The following CATSPERE variants were observed in gnomAD, a reference collection of about 807,000 sequenced individuals.
CATSPERE encodes the protein catsper channel auxiliary subunit epsilon.
Under a neutral mutation model 114.1 loss-of-function variants are expected in CATSPERE, and 93 were observed. The observed-to-expected ratio is 0.81, with a 90% CI of 0.69 to 0.97. The LOEUF is 0.97. Ranked by LOEUF, CATSPERE falls within the 50% of genes least tolerant of loss-of-function variation. The pLI is 0.00. For missense variants in CATSPERE, 1,058 were observed against 1,131.6 expected (o/e 0.93, Z 0.93); for synonymous variants, 341 against 384.1 (o/e 0.89, Z 1.31).
At chr1:244,465,325 C>T (rs560294021) in intron 2 of CATSPERE, among the ~76,000 whole-genome samples, 5 of 152,250 alleles carry the variant, frequency 3.3e-5, no homozygotes, top group East Asian at 3.9e-4. Context: ...TGAGCCACCG[C>T]GCCTGTCCAG....
chr1:244,471,196 C>T (rs981804991), intron 2 of CATSPERE, among the ~76,000 whole-genome samples: 5 of 152,042 alleles, frequency 3.3e-5, no homozygotes, highest in East Asian at 3.8e-4. Context: ...AAACCATAAC[C>T]GTAATACTAA....
chr1:244,505,377 G>C (rs1469768814), intron 7 of CATSPERE, among the ~76,000 whole-genome samples: 1 of 152,058 alleles, frequency 6.6e-6, no homozygotes, highest in Non-Finnish European at 1.5e-5. Context: ...TTGATGTTTG[G>C]TTGTTTTCCT....
intron 8 of CATSPERE, among the ~76,000 whole-genome samples, chr1:244,544,912 A>G (rs1284818259): frequency 6.6e-6 from 1 of 152,226 alleles, no homozygotes; most frequent in East Asian, 1.9e-4. Context: ...GAGGCCCAAC[A>G]GAAACAGTTT....
chr1:244,463,045 G>T (rs959196256), intron 1 of CATSPERE, among the ~76,000 whole-genome samples: 1 of 152,092 alleles, frequency 6.6e-6, no homozygotes, highest in African/African-American at 2.4e-5. Context: ...GAGATGTGGT[G>T]TAAGTGTAAT....
chr1:244,482,336 T>A (rs1487291813), intron 5 of CATSPERE, among the ~76,000 whole-genome samples: 1 of 152,034 alleles, frequency 6.6e-6, no homozygotes. Flanking sequence ...GCATAGTGAC[T>A]TGCATCTGTA....
intron 8 of CATSPERE, among the ~76,000 whole-genome samples, chr1:244,526,982 A>G (rs926907199): frequency 6.6e-6 from 1 of 152,182 alleles, no homozygotes; most frequent in Non-Finnish European, 1.5e-5. Flanking sequence ...TGGGTCACAA[A>G]GATCACATGC....
intron 5 of CATSPERE, among the ~76,000 whole-genome samples, chr1:244,484,975 C>T (rs572347466): frequency 4.6e-5 from 7 of 151,860 alleles, no homozygotes; most frequent in South Asian, 4.2e-4. Flanking sequence ...TGTCTAGCTT[C>T]GACTTCAGTT....
chr1:244,478,583 G>A (rs1359300734), intron 4 of CATSPERE, among the ~76,000 whole-genome samples: 1 of 152,210 alleles, frequency 6.6e-6, no homozygotes, highest in Non-Finnish European at 1.5e-5. Flanking sequence ...TTTGAGGCTT[G>A]TGACTTCTCT....
rs1457186168 is a variant in CATSPERE at position 244,633,591 on chromosome 1, C to T, written c.2649-1898C>T. 1.3e-5 allele frequency among the ~76,000 whole-genome samples: 2 copies of T among 152,078 alleles called. No individual in the cohort carries two copies. The highest frequency in any genetic ancestry group is 2.4e-5 in the African/African-American group (1 of 41,400). ...AATTCCTAAGCCTTTCATTAAAGCC[C>T]TCTGGAGGACACATGTGCAGGCATG... On this transcript the variant is annotated intron_variant, in intron 20 of 21. Transcript: ENST00000366534. The surrounding 1 kb of genome is among the most constrained non-coding windows in gnomAD (Gnocchi z 4.1).
chr1:244,613,144 A>G (rs532531444), intron 19 of CATSPERE, among the ~76,000 whole-genome samples: 1 of 152,328 alleles, frequency 6.6e-6, no homozygotes, highest in East Asian at 1.9e-4. Flanking sequence ...ACAGCTTCCA[A>G]ACATACTTAG....
intron 5 of CATSPERE, among the ~76,000 whole-genome samples, chr1:244,480,452 C>T (rs145314118): frequency 1.3e-5 from 2 of 152,330 alleles, no homozygotes; most frequent in African/African-American, 4.8e-5. Context: ...GTATCCACTT[C>T]ACGTTTATTC....
intron 11 of CATSPERE, among the ~76,000 whole-genome samples, chr1:244,579,252 T>C (rs1461141100): frequency 7.0e-6 from 1 of 143,178 alleles, no homozygotes; most frequent in Non-Finnish European, 1.5e-5. Context: ...CTGTAGTTAA[T>C]TTCATGCAGT....
intron 6 of CATSPERE, among the ~76,000 whole-genome samples, chr1:244,497,112 C>G (rs1050845661): frequency 6.6e-6 from 1 of 152,084 alleles, no homozygotes. Flanking sequence ...TATGTAAATA[C>G]AATAAATCCA....
chr1:244,604,429 G>A (rs572895171), intron 17 of CATSPERE, among the ~76,000 whole-genome samples: 2 of 152,368 alleles, frequency 1.3e-5, no homozygotes, highest in Admixed American at 6.5e-5. Flanking sequence ...ACAAGGGTTG[G>A]GTGTTAGCAA....
intron 8 of CATSPERE, among the ~76,000 whole-genome samples, chr1:244,542,026 A>C (rs1483648591): frequency 2.0e-4 from 18 of 90,918 alleles, no homozygotes; most frequent in African/African-American, 7.6e-4. Context: ...GGGAGGGGGG[A>C]GGGATAGCAT....
intron 2 of CATSPERE, among the ~76,000 whole-genome samples, chr1:244,468,154 G>A (rs1294191093): frequency 2.0e-5 from 3 of 150,998 alleles, no homozygotes; most frequent in Admixed American, 1.3e-4. Flanking sequence ...AGTGCAGTGC[G>A]CAATCTTGGC....
chr1:244,577,420 T>C (rs1665450002), intron 11 of CATSPERE, among the ~76,000 whole-genome samples: 1 of 152,182 alleles, frequency 6.6e-6, no homozygotes, highest in Non-Finnish European at 1.5e-5. Context: ...TAAGAAACTG[T>C]TTGAAATCTA....
chr1:244,477,579 G>T lies in CATSPERE; in HGVS notation c.153G>T (p.Trp51Cys), dbSNP rs754092947. The change falls in exon 3 of 22, where the codon TGG becomes TGT. Residue 51 changes from tryptophan to cysteine, a missense_variant. Physicochemically the swap from Trp to Cys is radical, Grantham distance 215. This residue lies in a region of CATSPERE where 271 missense variants were observed against 225.9 expected (regional missense o/e 1.20). Coordinates refer to ENST00000366534, the MANE Select transcript of CATSPERE (RefSeq NM_001130957.2). ...ATGAAGGAACATTATTTACTGAGTG[G>T]AGTGTGCCAGAAACTTGTTTTGTGC... is the stretch of plus-strand genomic sequence containing the variant. ...LEYEGTLFTEWSVPETCFVLN... is the reference protein window; with the variant it reads ...LEYEGTLFTECSVPETCFVLN... 1.2e-6 allele frequency: 2 copies of T among 1,601,856 alleles called. No homozygotes were observed. The highest frequency in any genetic ancestry group is 2.2e-5 in the South Asian group (2 of 90,390).
intron 9 of CATSPERE, among the ~76,000 whole-genome samples, chr1:244,558,184 A>C (rs959947847): frequency 1.8e-5 from 2 of 111,604 alleles, no homozygotes; most frequent in Admixed American, 1.3e-4. Flanking sequence ...CTTGTTGCCC[A>C]GGCTGGAAGT....
Sources: allele counts gnomAD v4.1 joint callset (sites outside exome capture counted in the v4.1 genomes callset), GRCh38; gene constraint gnomAD v4.1.1; regional missense constraint gnomAD v4.1.1; non-coding constraint Gnocchi (gnomAD v3.1); transcripts MANE v1.5; gene names NCBI Gene and HGNC (gene_info 2026-07-23, HGNC 2026-07-21).